ANKRD28: variants seen among roughly 807,000 people sequenced by gnomAD.
The protein encoded by ANKRD28 is serine/threonine-protein phosphatase 6 regulatory ankyrin repeat subunit A.
In ANKRD28, 44 loss-of-function variants were observed where a neutral mutation model predicts 126.5. That is an observed-to-expected ratio of 0.35 (90% CI 0.27 to 0.45). The LOEUF (loss-of-function observed/expected upper bound fraction) is 0.45. ANKRD28 is among the 20% of genes least tolerant of loss of function. ANKRD28 has a pLI of 1.00. For missense variants in ANKRD28, 1,110 were observed against 1,316.6 expected (o/e 0.84, Z 2.43); for synonymous variants, 442 against 468.5 (o/e 0.94, Z 0.73).
At chr3:15,777,403 A>C (rs1016331856) in intron 2 of ANKRD28, among the ~76,000 whole-genome samples, 2 of 152,228 alleles carry the variant, frequency 1.3e-5, no homozygotes, top group African/African-American at 4.8e-5. Context: ...ATAAAAGTAG[A>C]AATTTTATTA....
intron 4 of ANKRD28, among the ~76,000 whole-genome samples, chr3:15,746,983 G>A (rs528810250): frequency 2.3e-4 from 35 of 152,110 alleles, no homozygotes; most frequent in Middle Eastern, 3.4e-3. Context: ...GTTTATGTGC[G>A]TAAAGGTGTT....
chr3:15,737,360 G>A (rs2075088372), intron 4 of ANKRD28, 127 bp from the exon 5 acceptor site: 3 of 795,336 alleles, frequency 3.8e-6, no homozygotes, highest in Non-Finnish European at 5.8e-6. Flanking sequence ...AGCTCTCATA[G>A]AACTCACTAT....
At chr3:15,721,462 GAATT>G (rs1374370085) in intron 7 of ANKRD28, among the ~76,000 whole-genome samples, 1 of 152,102 alleles carries the variant, frequency 6.6e-6, no homozygotes, top group Non-Finnish European at 1.5e-5. Context: ...ATTTACTATA[GAATT>G]AATTATAATC....
chr3:15,850,224 T>TATATATATAGAGAGAGAGAGAGAGAG (rs1418223588), intron 1 of ANKRD28, among the ~76,000 whole-genome samples: 2 of 35,110 alleles, frequency 5.7e-5, no homozygotes, highest in African/African-American at 1.6e-4. Context: ...TATATATATA[T>TATATATATAGAGAGAGAGAGAGAGAG]AGAGAGAGAG....
At chr3:15,700,911 A>G (rs544960019) in intron 14 of ANKRD28, among the ~76,000 whole-genome samples, 5 of 152,350 alleles carry the variant, frequency 3.3e-5, no homozygotes, top group Non-Finnish European at 5.9e-5. Flanking sequence ...CATTTGATAC[A>G]TGGAGAAGCC....
chr3:15,674,999 G>A (rs1410560089), intron 27 of ANKRD28, among the ~76,000 whole-genome samples: 3 of 152,178 alleles, frequency 2.0e-5, no homozygotes, highest in South Asian at 2.1e-4. Context: ...GCTGGACGCT[G>A]TGGCTCACAC....
In ANKRD28 at chr3:15,713,663, C is replaced by G; in HGVS notation, c.1076-22G>C. The G allele has an allele frequency of 6.6e-7, 1 of 1,510,160 alleles. No individual in the cohort carries two copies. Among genetic ancestry groups the G allele is most frequent in the Non-Finnish European group, 9.1e-7 (1 of 1,102,870 alleles). The allele number at this position is 1,510,160 out of a possible 1,614,324, so 93.5% of individuals were successfully genotyped here. ...GCTCCTGCAATATAGGACTTACTGT[C>G]AGACACTGGACCATATAAAGATCAG... On this transcript the variant is annotated intron_variant, in intron 9 of 27. Transcript: ENST00000683139.
chr3:15,791,575 A>C (rs1445930670), intron 2 of ANKRD28, among the ~76,000 whole-genome samples: 1 of 152,166 alleles, frequency 6.6e-6, no homozygotes, highest in African/African-American at 2.4e-5. Flanking sequence ...AAAATCATGA[A>C]ACCAGACCCC....
intron 2 of ANKRD28, among the ~76,000 whole-genome samples, chr3:15,786,732 T>C (rs1011151214): frequency 6.6e-6 from 1 of 152,126 alleles, no homozygotes; most frequent in African/African-American, 2.4e-5. Context: ...TTTATCATAT[T>C]TTTGCTATAC....
At chr3:15,682,869 T>C (rs1010394197) in intron 21 of ANKRD28, among the ~76,000 whole-genome samples, 2 of 152,226 alleles carry the variant, frequency 1.3e-5, no homozygotes, top group Non-Finnish European at 2.9e-5. Flanking sequence ...TTAAATTCCT[T>C]CCAGCTCAAA....
chr3:15,685,902 C>T (rs891117590), intron 20 of ANKRD28, 100 bp downstream of exon 20: 16 of 910,360 alleles, frequency 1.8e-5, no homozygotes, highest in South Asian at 3.5e-5. Context: ...GACTATTTGA[C>T]GAACATTTAA....
intron 4 of ANKRD28, among the ~76,000 whole-genome samples, chr3:15,749,756 T>A (rs2057746620): frequency 6.6e-6 from 1 of 152,158 alleles, no homozygotes; most frequent in Admixed American, 6.5e-5. Flanking sequence ...CTGTAGTGAT[T>A]GTTTTTGCTC....
chr3:15,776,500 T>G (rs2059277517), intron 2 of ANKRD28, among the ~76,000 whole-genome samples: 3 of 152,196 alleles, frequency 2.0e-5, no homozygotes, highest in South Asian at 4.1e-4. Flanking sequence ...TATGATCCAT[T>G]TGATTCAAAA....
At chr3:15,790,849 A>G (rs2125778925) in intron 2 of ANKRD28, among the ~76,000 whole-genome samples, 1 of 152,270 alleles carries the variant, frequency 6.6e-6, no homozygotes, top group South Asian at 2.1e-4. Context: ...AAGTCAAATT[A>G]TACCTGTTTG....
intron 4 of ANKRD28, among the ~76,000 whole-genome samples, chr3:15,739,457 T>C (rs1273679957): frequency 6.6e-5 from 10 of 152,136 alleles, no homozygotes; most frequent in African/African-American, 2.2e-4. Context: ...CCAAACTACA[T>C]ATGAAAATGA....
chr3:15,705,984 A>C (rs533297964), intron 14 of ANKRD28, among the ~76,000 whole-genome samples: 12 of 152,240 alleles, frequency 7.9e-5, no homozygotes, highest in Admixed American at 2.0e-4. Context: ...CTGGGCGACA[A>C]AGCAAGATTC....
rs1309436577 is a variant in ANKRD28, at chr3:15,709,020, C to T, written c.1406+648G>A. ...TTCTTTCCTGTATGGTTCTAATGCA[C>T]TCTGTGTCAATTCCTACTCTAAGTA... On this transcript the variant is annotated intron_variant, in intron 13 of 27. Coordinates refer to ENST00000683139, the MANE Select transcript of ANKRD28 (RefSeq NM_001349278.2). Among the ~76,000 whole-genome samples, 6 of 152,170 alleles carry T rather than the reference C, an allele frequency of 3.9e-5. No individual in the cohort carries two copies. The East Asian group carries it at 9.6e-4, about 24-fold the overall frequency.
At chr3:15,714,266 C>T (rs1281090948) in intron 9 of ANKRD28, among the ~76,000 whole-genome samples, 2 of 151,900 alleles carry the variant, frequency 1.3e-5, no homozygotes, top group Non-Finnish European at 2.9e-5. Flanking sequence ...ACAGAGTACA[C>T]ACATTAATAT....
chr3:15,829,069 C>T (rs969209692), intron 1 of ANKRD28, among the ~76,000 whole-genome samples: 1 of 152,122 alleles, frequency 6.6e-6, no homozygotes, highest in African/African-American at 2.4e-5. Flanking sequence ...GACCTCTTCA[C>T]ATTTTTAAAT....
Sources: allele counts gnomAD v4.1 joint callset (sites outside exome capture counted in the v4.1 genomes callset), GRCh38; gene constraint gnomAD v4.1.1; transcripts MANE v1.5; gene names NCBI Gene and HGNC (gene_info 2026-07-23, HGNC 2026-07-21).